The following COL4A4 variants were observed in gnomAD, a reference collection of about 807,000 sequenced individuals.
COL4A4 encodes collagen type IV alpha 4 chain.
COL4A4 carries 105 observed loss-of-function variants against 192.9 expected under a neutral mutation model. The ratio of observed to expected loss-of-function variants is 0.54; its 90% CI spans 0.46 to 0.64. The LOEUF (loss-of-function observed/expected upper bound fraction) is 0.64. COL4A4 is among the 30% of genes least tolerant of loss of function. The pLI is 0.00. For missense variants in COL4A4, 1,967 were observed against 2,169.3 expected (o/e 0.91, Z 1.85); for synonymous variants, 762 against 769.9 (o/e 0.99, Z 0.17).
Position 227,008,000 on chromosome 2 carries a change from C to A in COL4A4, c.4809+18G>T, listed in dbSNP as rs768113341. The A allele has an allele frequency of 6.2e-7, 1 of 1,605,964 alleles. No individual in the cohort carries two copies. The highest frequency in any genetic ancestry group is 1.3e-5 in the African/African-American group (1 of 74,928). ...GAAATGGTGAATGAGCCAGGGTTTT[C>A]AAGGGCACGGGACTCACCATCAGGA... is the stretch of plus-strand genomic sequence containing the variant. On this transcript the variant is annotated intron_variant, in intron 47 of 47. Transcript: ENST00000396625.
intron 6 of COL4A4, among the ~76,000 whole-genome samples, 158 bp downstream of exon 6, chr2:227,119,737 G>T (rs983397197): frequency 2.0e-5 from 3 of 147,966 alleles, no homozygotes; most frequent in Non-Finnish European, 4.5e-5. Flanking sequence ...TATATATTAC[G>T]TTGCTTGTGG....
intron 36 of COL4A4, 121 bp downstream of exon 36, chr2:227,042,956 C>G (rs1971759967): frequency 3.9e-6 from 3 of 769,178 alleles, no homozygotes; most frequent in African/African-American, 1.7e-5. Context: ...TATCCAAAGT[C>G]ACAGGTCTGG....
intron 4 of COL4A4, among the ~76,000 whole-genome samples, chr2:227,121,783 CACAT>C (rs1438551988): frequency 6.6e-6 from 1 of 152,052 alleles, no homozygotes; most frequent in Non-Finnish European, 1.5e-5. Context: ...TGCACAGAAA[CACAT>C]ATATCAAGTG....
the COL4A4 span, among the ~76,000 whole-genome samples, chr2:226,985,445 G>C: frequency 1.3e-5 from 2 of 152,224 alleles, no homozygotes; most frequent in Admixed American, 6.5e-5. Flanking sequence ...TTCTGCTTAC[G>C]ATGCGGAATG....
chr2:227,047,391 G>C, intron 35 of COL4A4, 84 bp downstream of exon 35: 1 of 969,288 alleles, frequency 1.0e-6, no homozygotes, highest in Admixed American at 1.9e-5. Flanking sequence ...ATATTGATAC[G>C]ATCATTGCCA....
intron 9 of COL4A4, among the ~76,000 whole-genome samples, chr2:227,110,359 C>A (rs1201090212): frequency 6.6e-6 from 1 of 152,218 alleles, no homozygotes; most frequent in African/African-American, 2.4e-5. Context: ...CGTTCCATCA[C>A]TAGCCAGAAG....
intron 4 of COL4A4, among the ~76,000 whole-genome samples, chr2:227,135,959 CTTAAT>C (rs1374876819): frequency 6.6e-6 from 1 of 152,008 alleles, no homozygotes; most frequent in Admixed American, 6.6e-5. Context: ...ATTTTAGTTT[CTTAAT>C]TTATGTGTAT....
the COL4A4 span, chr2:226,988,277 G>GT: frequency 6.6e-7 from 1 of 1,517,784 alleles, no homozygotes; most frequent in Non-Finnish European, 8.9e-7. Flanking sequence ...GGAGGCCACT[G>GT]TAAGTCTCTT....
chr2:227,070,030 AC>A (rs1431671984), intron 25 of COL4A4, among the ~76,000 whole-genome samples: 1 of 146,946 alleles, frequency 6.8e-6, no homozygotes, highest in African/African-American at 2.5e-5. Flanking sequence ...CAAGAAAAAA[AC>A]AAACAACCCC....
intron 22 of COL4A4, among the ~76,000 whole-genome samples, chr2:227,083,120 T>C (rs1275485843): frequency 6.6e-6 from 1 of 152,144 alleles, no homozygotes; most frequent in Non-Finnish European, 1.5e-5. Context: ...TCATAGCTAC[T>C]TGGGAGGCTG....
At position 227,008,258 on chromosome 2, in the gene COL4A4, G is replaced by A; in HGVS notation, c.4569C>T (p.Ala1523=). 6.2e-7 allele frequency: 1 copy of A among 1,614,260 alleles called. No individual in the cohort carries two copies. Among genetic ancestry groups the A allele is most frequent in the Non-Finnish European group, 8.5e-7 (1 of 1,180,046 alleles). Residue 1523 remains alanine (A), a synonymous_variant, in exon 47 of 48, where the codon GCC becomes GCT. Transcript: ENST00000396625. ...GGCACACCTGGTGGATGTTGCAGTA[G>A]GCAAAGGGCAGCGTGCTAAATACGG... ...CLPVFSTLPF[A]YCNIHQVCHY... is the part of the protein sequence containing the mutation.
At chr2:226,985,390 A>G in the COL4A4 span, among the ~76,000 whole-genome samples, 1 of 152,332 alleles carries the variant, frequency 6.6e-6, no homozygotes, top group African/African-American at 2.4e-5. Flanking sequence ...ATAATATTCA[A>G]TGCAGCAGCC....
At chr2:226,974,997 A>C in the COL4A4 span, among the ~76,000 whole-genome samples, 1 of 152,224 alleles carries the variant, frequency 6.6e-6, no homozygotes, top group South Asian at 2.1e-4. Context: ...GTGAATCAGC[A>C]GCAGTGACTC....
At chr2:227,083,058 G>A (rs1172660481) in intron 22 of COL4A4, among the ~76,000 whole-genome samples, 6 of 152,000 alleles carry the variant, frequency 3.9e-5, no homozygotes, top group African/African-American at 7.2e-5. Context: ...GTGAAACCCC[G>A]TCCCTACTAA....
intron 42 of COL4A4, among the ~76,000 whole-genome samples, chr2:227,027,109 C>T (rs1559441899): frequency 6.6e-6 from 1 of 151,992 alleles, no homozygotes; most frequent in Non-Finnish European, 1.5e-5. Context: ...CAAAAATTAG[C>T]TAGGCGCAGT....
At chr2:227,021,431 C>T (rs1426195604) in intron 44 of COL4A4, among the ~76,000 whole-genome samples, 1 of 152,140 alleles carries the variant, frequency 6.6e-6, no homozygotes, top group Non-Finnish European at 1.5e-5. Context: ...CTATTAATGA[C>T]TGTTCATGGA....
chr2:227,072,525 AAAG>A (rs1278091198), intron 25 of COL4A4, among the ~76,000 whole-genome samples: 4 of 152,000 alleles, frequency 2.6e-5, no homozygotes, highest in African/African-American at 9.7e-5. Context: ...AAAGATTGAT[AAAG>A]AAGGCATCCT....
At chr2:227,125,008 G>A (rs2125084686) in intron 4 of COL4A4, among the ~76,000 whole-genome samples, 2 of 152,186 alleles carry the variant, frequency 1.3e-5, no homozygotes, top group South Asian at 4.1e-4. Flanking sequence ...GAAAAAGAGA[G>A]AGCCAATTAA....
chr2:227,140,280 G>A (rs768298470), intron 3 of COL4A4, 42 bp from the exon 4 acceptor site: 17 of 1,507,172 alleles, frequency 1.1e-5, no homozygotes, highest in Middle Eastern at 3.4e-4. Flanking sequence ...AGTACTCATC[G>A]TTTAACTACG....
Sources: allele counts gnomAD v4.1 joint callset (sites outside exome capture counted in the v4.1 genomes callset), GRCh38; gene constraint gnomAD v4.1.1; transcripts MANE v1.5; gene names NCBI Gene and HGNC (gene_info 2026-07-23, HGNC 2026-07-21).